The following GALNTL6 variants were observed in gnomAD, a reference collection of about 807,000 sequenced individuals.
The protein encoded by GALNTL6 is polypeptide N-acetylgalactosaminyltransferase like 6.
A neutral mutation model predicts 73.7 loss-of-function variants in GALNTL6; 46 were observed. The ratio of observed to expected loss-of-function variants is 0.62; its 90% CI spans 0.49 to 0.80. GALNTL6 has a LOEUF of 0.80. Among genes scored for constraint, GALNTL6 ranks in the 30% least tolerant of loss-of-function variants. The probability of loss-of-function intolerance (pLI) is 0.00; values close to 1 mark genes in which losing one functional copy is unlikely to be tolerated. For synonymous variants in GALNTL6, 259 were observed against 263.7 expected (o/e 0.98, Z 0.17); for missense variants, 604 against 755.0 (o/e 0.80, Z 2.34).
At chr4:172,701,192 A>C (rs1306650083) in intron 5 of GALNTL6, among the ~76,000 whole-genome samples, 1 of 152,062 alleles carries the variant, frequency 6.6e-6, no homozygotes, top group Admixed American at 6.6e-5. Flanking sequence ...AGTAGTGTGG[A>C]GTTTTCCTTG....
intron 7 of GALNTL6, among the ~76,000 whole-genome samples, chr4:172,871,058 GA>G (rs1490769617): frequency 6.6e-6 from 1 of 152,192 alleles, no homozygotes. Flanking sequence ...ACAAATGCCA[GA>G]AAAAAATTTT....
At chr4:171,959,959 A>G (rs1739172967) in intron 2 of GALNTL6, among the ~76,000 whole-genome samples, 1 of 152,228 alleles carries the variant, frequency 6.6e-6, no homozygotes, top group Non-Finnish European at 1.5e-5. Flanking sequence ...AGCAACCACA[A>G]AATAAACTTA....
intron 2 of GALNTL6, among the ~76,000 whole-genome samples, chr4:171,981,396 T>C (rs551864017): frequency 3.9e-5 from 6 of 152,330 alleles, no homozygotes; most frequent in East Asian, 1.9e-4. Context: ...TTCTGTCCAG[T>C]AGCTGTGAAG....
intron 10 of GALNTL6, among the ~76,000 whole-genome samples, chr4:173,003,624 C>G (rs753472786): frequency 6.6e-6 from 1 of 152,226 alleles, no homozygotes; most frequent in Non-Finnish European, 1.5e-5. Context: ...CAACTGCCCT[C>G]TGAGGCATGA....
chr4:172,096,156 T>G (rs1732350995), intron 2 of GALNTL6, among the ~76,000 whole-genome samples: 1 of 150,754 alleles, frequency 6.6e-6, no homozygotes, highest in Admixed American at 6.6e-5. Context: ...CAGGCTGGAG[T>G]GCAAGAGCAC....
intron 2 of GALNTL6, among the ~76,000 whole-genome samples, chr4:171,826,566 C>T (rs1339205755): frequency 1.3e-5 from 2 of 152,142 alleles, no homozygotes; most frequent in African/African-American, 4.8e-5. Context: ...TTTCTACCCA[C>T]CTCAGGCTGA....
At chr4:172,437,849 A>C (rs1020324708) in intron 5 of GALNTL6, among the ~76,000 whole-genome samples, 1 of 152,040 alleles carries the variant, frequency 6.6e-6, no homozygotes, top group African/African-American at 2.4e-5. Flanking sequence ...CAGAATTTTT[A>C]TTAAACACCT....
rs1404168736 is a variant in GALNTL6, at chr4:172,783,399, TATA to T, written c.554-25958_554-25956del. Among the ~76,000 whole-genome samples, 10 of 147,458 alleles carry T rather than the reference TATA, an allele frequency of 6.8e-5. No individual in the cohort carries two copies. The East Asian group carries it at 1.2e-3, about 17-fold the overall frequency. On this transcript the variant is annotated intron_variant, in intron 5 of 12. Coordinates refer to ENST00000506823, the MANE Select transcript of GALNTL6 (RefSeq NM_001034845.3). ...TATTATACACTATTTATAATAATAT[TATA>T]ATATTATTTATAATAATAATATATA...
chr4:172,112,490 T>G (rs1328250613), intron 2 of GALNTL6, among the ~76,000 whole-genome samples: 1 of 152,080 alleles, frequency 6.6e-6, no homozygotes, highest in Non-Finnish European at 1.5e-5. Flanking sequence ...CCAAAGAGGC[T>G]GTATCATTTT....
chr4:172,910,520 A>G (rs1367819934), intron 8 of GALNTL6, among the ~76,000 whole-genome samples: 1 of 152,242 alleles, frequency 6.6e-6, no homozygotes. Context: ...TGGCCCCTGA[A>G]GGCCCCTGAC....
intron 5 of GALNTL6, among the ~76,000 whole-genome samples, chr4:172,730,851 C>A (rs13105405): frequency 0.45 from 68,827 of 151,820 alleles, 17,805 homozygotes; most frequent in East Asian, 0.68. Flanking sequence ...GAGGCCGAGG[C>A]GGGCGGATCA....
chr4:172,556,769 GA>G (rs1233085362), intron 5 of GALNTL6, among the ~76,000 whole-genome samples: 1 of 148,770 alleles, frequency 6.7e-6, no homozygotes, highest in Non-Finnish European at 1.5e-5. Flanking sequence ...GAAGAACAAA[GA>G]AAAAAAATTA....
intron 10 of GALNTL6, among the ~76,000 whole-genome samples, chr4:173,003,046 G>C (rs1355911778): frequency 6.6e-6 from 1 of 152,174 alleles, no homozygotes; most frequent in Non-Finnish European, 1.5e-5. Context: ...TTTAGACATA[G>C]ATCTTGGTGA....
At chr4:171,988,405 G>A (rs1252140071) in intron 2 of GALNTL6, among the ~76,000 whole-genome samples, 3 of 152,192 alleles carry the variant, frequency 2.0e-5, no homozygotes, top group Non-Finnish European at 4.4e-5. Context: ...CCTTGCGGCA[G>A]TACAGCCCAG....
intron 10 of GALNTL6, among the ~76,000 whole-genome samples, chr4:172,974,063 GC>G (rs1368216337): frequency 6.6e-6 from 1 of 152,180 alleles, no homozygotes; most frequent in African/African-American, 2.4e-5. Flanking sequence ...GTATACACAT[GC>G]TTTTTGGTGA....
At chr4:172,367,378 T>C (rs1003197517) in intron 5 of GALNTL6, among the ~76,000 whole-genome samples, 31 of 152,178 alleles carry the variant, frequency 2.0e-4, no homozygotes, top group African/African-American at 7.5e-4. Context: ...TGCTGACACA[T>C]TGGGTTTCAG....
intron 7 of GALNTL6, among the ~76,000 whole-genome samples, chr4:172,851,909 T>A (rs569048170): frequency 6.6e-6 from 1 of 152,234 alleles, no homozygotes; most frequent in Non-Finnish European, 1.5e-5. Context: ...CTCTGCCTGA[T>A]TAGACCAGGA....
chr4:172,001,055 G>A (rs1031405755), intron 2 of GALNTL6, among the ~76,000 whole-genome samples: 1 of 152,146 alleles, frequency 6.6e-6, no homozygotes, highest in Non-Finnish European at 1.5e-5. Flanking sequence ...GCAGTGGTGA[G>A]AATAGTTGTT....
chr4:172,641,958 C>T (rs1033398463), intron 5 of GALNTL6, among the ~76,000 whole-genome samples: 2 of 151,784 alleles, frequency 1.3e-5, no homozygotes, highest in Non-Finnish European at 2.9e-5. Context: ...ATACAAAGGG[C>T]CAACAGGTAT....
Sources: gnomAD v4.1 joint callset for allele counts (sites outside exome capture counted in the v4.1 genomes callset) on GRCh38, gnomAD v4.1.1 for gene constraint, MANE v1.5 for transcripts, NCBI Gene and HGNC (gene_info 2026-07-23, HGNC 2026-07-21) for gene names.